Variants in WDR18 observed in about 807,000 individuals in gnomAD.
WDR18 encodes WD repeat domain 18.
In WDR18, 33 loss-of-function variants were observed where a neutral mutation model predicts 49.6. The observed-to-expected ratio is 0.67, with a 90% CI of 0.50 to 0.89. The LOEUF (loss-of-function observed/expected upper bound fraction) is 0.89, where lower values mean the gene tolerates loss of function less well. WDR18 is among the 40% of genes least tolerant of loss of function. The pLI, the probability that WDR18 is intolerant of heterozygous loss-of-function variation, is 0.00. For missense variants in WDR18, 653 were observed against 593.6 expected, an observed-to-expected ratio of 1.10 and a Z score of -1.04; for synonymous variants, 315 against 263.6, an observed-to-expected ratio of 1.19 and a Z score of -1.89.
At chr19:986,007 A>G (rs1329788200) in intron 2 of WDR18, 32 bp downstream of exon 2, 5 of 1,600,506 alleles carry the variant, frequency 3.1e-6, no homozygotes, top group Non-Finnish European at 4.3e-6. Context: ...CGTTTCCCAC[A>G]GGACATCTCA....
At chr19:991,808 T>A in intron 7 of WDR18, 147 bp from the exon 8 acceptor site, 1 of 662,444 alleles carries the variant, frequency 1.5e-6, no homozygotes. Context: ...GGACTGGTCG[T>A]GGGGCGGGGC....
chr19:985,019 C>A (rs1353788280), intron 1 of WDR18, among the ~76,000 whole-genome samples: 2 of 152,132 alleles, frequency 1.3e-5, no homozygotes, highest in Admixed American at 1.3e-4. Flanking sequence ...CTCACCGTCG[C>A]CCACAGTTTC....
At position 991,082 on chromosome 19, in the gene WDR18, C is replaced by T; in HGVS notation, c.743C>T (p.Pro248Leu). 1 of 1,604,020 alleles carries T rather than the reference C, an allele frequency of 6.2e-7. No homozygotes were observed. The highest frequency in any genetic ancestry group is 8.5e-7 in the Non-Finnish European group (1 of 1,175,764). The change falls in exon 6 of 10, where the codon CCC (proline) becomes CTC (leucine). Residue 248 changes from proline (P) to leucine (L), a missense_variant and splice_region_variant. By Grantham distance (98) the Pro-to-Leu change is moderately conservative. Transcript: ENST00000585809. ...SIFQVDLFTW[P>L]GQRERSFHPE... ...TCACACACGTCTCGGCCTTCGCAGC[C>T]CGGACAGAGGGAGAGGAGCTTCCAC...
chr19:988,969 A>C (rs1350772502), intron 2 of WDR18, among the ~76,000 whole-genome samples: 6 of 145,984 alleles, frequency 4.1e-5, no homozygotes. Flanking sequence ...GGGGGGAAAC[A>C]CGATTCAATC....
chr19:985,347 T>A (rs2038463781), intron 1 of WDR18, among the ~76,000 whole-genome samples: 1 of 152,084 alleles, frequency 6.6e-6, no homozygotes. Context: ...CATTTGTATT[T>A]TTTGTAGAGG....
chr19:990,141 T>A (rs975479885), intron 3 of WDR18, 82 bp from the exon 4 acceptor site: 2 of 1,463,208 alleles, frequency 1.4e-6, no homozygotes, highest in African/African-American at 2.8e-5. Context: ...GGCAGGTGTG[T>A]GCGTGAGGTG....
At position 994,521 on chromosome 19, in the gene WDR18, G is replaced by A. The variant is rs2038607300; in HGVS notation, c.*177G>A. 1 of 884,316 alleles carries A rather than the reference G, an allele frequency of 1.1e-6. No individual in the cohort carries two copies. Among genetic ancestry groups the A allele is most frequent in the Non-Finnish European group, 1.7e-6 (1 of 598,462 alleles). 54.8% of individuals were successfully genotyped at this position (884,316 alleles called of 1,614,324 possible). A position where few individuals can be genotyped will look rare whatever the true frequency, so the allele number is the denominator to read the frequency against. On this transcript the variant is annotated 3_prime_UTR_variant, in exon 10 of 10. Coordinates refer to ENST00000585809, the MANE Select transcript of WDR18 (RefSeq NM_024100.4). The stretch of plus-strand genomic sequence containing the variant: ...GTGTCTCGTGGCACGCGTCACAGTG[G>A]TGCTAGTCTGTTTTTAACAAAAGAG...
At chr19:984,711 G>C in intron 1 of WDR18, 148 bp downstream of exon 1, 1 of 915,534 alleles carries the variant, frequency 1.1e-6, no homozygotes, top group Non-Finnish European at 1.5e-6. Flanking sequence ...GCATGCGCGG[G>C]TCTGGGGGCT....
At chr19:986,825 T>C (rs10405599) in intron 2 of WDR18, among the ~76,000 whole-genome samples, 96,023 of 152,076 alleles carry the variant, frequency 0.63, 30,917 homozygotes, top group Non-Finnish European at 0.7. Context: ...ACCGTAGCTG[T>C]GGCGTTAGAT....
rs1440108389 is a variant in WDR18 at position 984,407 on chromosome 19, G to A, written c.54G>A (p.Trp18Ter). ...AVCTDSAAPM[W>*]SCIVWELHSG... ...GTACGGACTCGGCGGCCCCGATGTG[G>A]AGCTGCATCGTGTGGGAACTTCACT... The change falls in exon 1 of 10, where the codon TGG (tryptophan) becomes TGA (stop). Residue 18 changes from tryptophan to a stop codon, truncating the protein, a stop_gained. Coordinates refer to ENST00000585809, the MANE Select transcript of WDR18 (RefSeq NM_024100.4). LOFTEE classifies it high-confidence loss of function. 1 of 1,605,470 alleles carries A rather than the reference G, an allele frequency of 6.2e-7. No homozygotes were observed. Among genetic ancestry groups the A allele is most frequent in the Non-Finnish European group, 8.5e-7 (1 of 1,177,272 alleles).
At chr19:988,836 G>A (rs1044244518) in intron 2 of WDR18, among the ~76,000 whole-genome samples, 14 of 152,192 alleles carry the variant, frequency 9.2e-5, no homozygotes, top group African/African-American at 3.4e-4. Flanking sequence ...TACAACAACC[G>A]GGACACATGG....
intron 2 of WDR18, among the ~76,000 whole-genome samples, chr19:988,984 A>AC (rs1320136045): frequency 4.7e-5 from 7 of 149,476 alleles, no homozygotes; most frequent in African/African-American, 1.7e-4. Flanking sequence ...TCAATCCACA[A>AC]CCCCCACCAG....
rs567209810 is a variant in WDR18 at position 994,445 on chromosome 19, C to T, written c.*101C>T. On this transcript the variant is annotated 3_prime_UTR_variant, in exon 10 of 10. Coordinates refer to ENST00000585809, the MANE Select transcript of WDR18 (RefSeq NM_024100.4). ...CCCCACCAGCCCAGGCCTGGACTCT[C>T]CTCAGTTCTGTGTCGTGTTCGGGTT... The T allele has an allele frequency of 6.8e-6, 10 of 1,468,968 alleles. No homozygotes were observed. Among genetic ancestry groups the T allele is most frequent in the Middle Eastern group, 2.0e-4 (1 of 4,950 alleles). The allele number at this position is 1,468,968 out of a possible 1,614,324, so 91.0% of individuals were successfully genotyped here.
upstream of WDR18, chr19:984,122 C>A: frequency 2.0e-6 from 1 of 490,390 alleles, no homozygotes; most frequent in Non-Finnish European, 3.5e-6. Flanking sequence ...CGCCGGAGAC[C>A]CTGGGCCTTG....
In WDR18 at chr19:984,466, A is replaced by G. The variant is rs777694620; in HGVS notation, c.113A>G (p.Gln38Arg). 5.0e-6 allele frequency: 8 copies of G among 1,587,778 alleles called. No homozygotes were observed. The South Asian group carries it at 8.0e-5, about 16-fold the overall frequency. The change falls in exon 1 of 10, where the codon CAG (glutamine) becomes CGG (arginine). Residue 38 changes from glutamine to arginine, a missense_variant. Physicochemically the swap from Gln to Arg is conservative, Grantham distance 43 (BLOSUM62 1). Transcript: ENST00000585809. Reference protein sequence around the residue: ...GANLLTYRGGQAGPRGLALLN... With the variant: ...GANLLTYRGGRAGPRGLALLN... ...AACCTGCTCACCTACCGCGGCGGCC[A>G]GGCGGGACCCCGCGGCCTGGCGCTG... is the stretch of plus-strand genomic sequence containing the variant.
intron 2 of WDR18, 46 bp from the exon 3 acceptor site, chr19:989,716 C>T (rs375122317): frequency 1.2e-6 from 2 of 1,608,348 alleles, no homozygotes; most frequent in African/African-American, 2.7e-5. Context: ...CCTTTCCTCC[C>T]CTGGGGCTTT....
intron 2 of WDR18, among the ~76,000 whole-genome samples, chr19:987,897 C>T (rs76753683): frequency 0.2 from 27,866 of 141,382 alleles, 3,088 homozygotes; most frequent in Middle Eastern, 0.32. Context: ...TGCAGTGGCT[C>T]AATCTCAGAT....
In WDR18 at chr19:994,260, G is replaced by A. The variant is rs1157932320; in HGVS notation, c.1215G>A (p.Leu405=). 1.1e-5 allele frequency: 17 copies of A among 1,609,242 alleles called. No homozygotes were observed. Among genetic ancestry groups the A allele is most frequent in the Non-Finnish European group, 1.4e-5 (16 of 1,178,792 alleles). ...AGCTGCGCGTCCGTGTGACGGAGCT[G>A]GAGGACGAGGTGCGCAACCTGCGCA... The part of the protein sequence containing the change: ...QDQLRVRVTE[L]EDEVRNLRKI... The change falls in exon 10 of 10, where the codon CTG becomes CTA. Residue 405 remains leucine, a synonymous_variant. Coordinates refer to ENST00000585809, the MANE Select transcript of WDR18 (RefSeq NM_024100.4).
At chr19:993,892 C>T in intron 8 of WDR18, 128 bp from the exon 9 acceptor site, 1 of 1,027,650 alleles carries the variant, frequency 9.7e-7, no homozygotes, top group Non-Finnish European at 1.4e-6. Flanking sequence ...GTCTTCCCTT[C>T]TGTCTGTGGG....
Sources: allele counts gnomAD v4.1 joint callset (sites outside exome capture counted in the v4.1 genomes callset), GRCh38; gene constraint gnomAD v4.1.1; transcripts MANE v1.5; gene names NCBI Gene and HGNC (gene_info 2026-07-23, HGNC 2026-07-21).